Variants in ANTXR1 observed in about 807,000 individuals in gnomAD.
ANTXR1 encodes the protein ANTXR cell adhesion molecule 1, also known as anthrax toxin receptor 1.
Under a neutral mutation model 78.1 loss-of-function variants are expected in ANTXR1, and 19 were observed. That is an observed-to-expected ratio of 0.24 (90% CI 0.17 to 0.36). The LOEUF (loss-of-function observed/expected upper bound fraction) is 0.36. Ranked by LOEUF, ANTXR1 falls within the 10% of genes least tolerant of loss-of-function variation. The pLI, the probability that ANTXR1 is intolerant of heterozygous loss-of-function variation, is 1.00. For missense variants in ANTXR1, 518 were observed against 718.6 expected, an observed-to-expected ratio of 0.72 and a Z score of 3.19; for synonymous variants, 273 against 260.5, an observed-to-expected ratio of 1.05 and a Z score of -0.46.
At chr2:69,084,300 C>T (rs188342596) in intron 8 of ANTXR1, among the ~76,000 whole-genome samples, 45 of 152,302 alleles carry the variant, frequency 3.0e-4, no homozygotes, top group African/African-American at 1.0e-3. Context: ...AAATGAATTT[C>T]CTACTTTTAG....
chr2:69,123,207 TGA>T, intron 11 of ANTXR1, 121 bp downstream of exon 11: 1 of 1,038,048 alleles, frequency 9.6e-7, no homozygotes, highest in Non-Finnish European at 1.5e-6. Flanking sequence ...CTCCAGCTTA[TGA>T]CGGAGCCAGT....
At chr2:69,109,029 G>A (rs1218823333) in intron 10 of ANTXR1, among the ~76,000 whole-genome samples, 1 of 152,148 alleles carries the variant, frequency 6.6e-6, no homozygotes, top group African/African-American at 2.4e-5. Flanking sequence ...AGACCACCAG[G>A]GAAAAAGAGT....
intron 1 of ANTXR1, 40 bp from the exon 2 acceptor site, chr2:69,040,003 TA>T: frequency 6.4e-7 from 1 of 1,554,650 alleles, no homozygotes; most frequent in Non-Finnish European, 8.9e-7. Flanking sequence ...TAAAGACAAG[TA>T]AACACCTGAG....
At chr2:69,070,530 A>C (rs1670534760) in intron 3 of ANTXR1, 117 bp from the exon 4 acceptor site, 2 of 914,972 alleles carry the variant, frequency 2.2e-6, no homozygotes, top group Non-Finnish European at 3.6e-6. Context: ...GCTTTTGGGG[A>C]ATTACTGGGA....
chr2:69,231,642 T>G (rs921876606), intron 17 of ANTXR1, among the ~76,000 whole-genome samples: 14 of 152,182 alleles, frequency 9.2e-5, no homozygotes, highest in African/African-American at 3.4e-4. Flanking sequence ...GAGTCTCTCA[T>G]GAAGCTGCAG....
Position 69,124,112 on chromosome 2 carries a change from T to C in ANTXR1, c.873-453T>C, listed in dbSNP as rs574384435. Among the ~76,000 whole-genome samples, 9 of 152,318 alleles carry C rather than the reference T, an allele frequency of 5.9e-5. No homozygotes were observed. In the South Asian group the frequency reaches 1.7e-3, roughly 28 times the overall value. ...CTTCTGCTTTACTTCTGTGAGTCTG[T>C]TGAATGGTAACAAAGCCACCCCCAT... On this transcript the variant is annotated intron_variant, in intron 11 of 17. Coordinates refer to ENST00000303714, the MANE Select transcript of ANTXR1 (RefSeq NM_032208.3).
intron 14 of ANTXR1, among the ~76,000 whole-genome samples, chr2:69,174,514 G>T (rs1435031620): frequency 6.6e-6 from 1 of 152,102 alleles, no homozygotes; most frequent in Non-Finnish European, 1.5e-5. Flanking sequence ...AATCCTAGCT[G>T]ATCAGGAGGC....
chr2:69,191,600 A>G (rs1674543425), intron 16 of ANTXR1, among the ~76,000 whole-genome samples: 1 of 152,204 alleles, frequency 6.6e-6, no homozygotes, highest in Non-Finnish European at 1.5e-5. Flanking sequence ...ATTTTTCACA[A>G]AATAATGCTT....
chr2:69,178,691 C>A (rs1674196305), intron 14 of ANTXR1, among the ~76,000 whole-genome samples: 1 of 152,136 alleles, frequency 6.6e-6, no homozygotes, highest in Non-Finnish European at 1.5e-5. Flanking sequence ...AGCGGGGTTG[C>A]GAATTAGAGA....
At chr2:69,187,438 G>A (rs563407959) in intron 16 of ANTXR1, among the ~76,000 whole-genome samples, 8 of 151,772 alleles carry the variant, frequency 5.3e-5, no homozygotes, top group Non-Finnish European at 8.8e-5. Flanking sequence ...AAAAAAAAGC[G>A]CAACAAAATC....
chr2:69,188,714 T>C (rs1482297168), intron 16 of ANTXR1, among the ~76,000 whole-genome samples: 1 of 152,202 alleles, frequency 6.6e-6, no homozygotes, highest in Admixed American at 6.5e-5. Context: ...TGCCAGGGAG[T>C]GAGGACCAGT....
chr2:69,135,774 A>T (rs1672891165), intron 12 of ANTXR1, among the ~76,000 whole-genome samples: 1 of 152,140 alleles, frequency 6.6e-6, no homozygotes, highest in Non-Finnish European at 1.5e-5. Context: ...TGATAAATCC[A>T]CCATCACAGG....
At chr2:69,203,544 A>AT (rs1197708916) in intron 17 of ANTXR1, among the ~76,000 whole-genome samples, 4 of 152,038 alleles carry the variant, frequency 2.6e-5, no homozygotes, top group South Asian at 2.1e-4. Context: ...CCATCTTGGG[A>AT]TTTTTTTTGC....
At chr2:69,120,659 C>T (rs1672317749) in intron 10 of ANTXR1, among the ~76,000 whole-genome samples, 1 of 151,766 alleles carries the variant, frequency 6.6e-6, no homozygotes, top group South Asian at 2.1e-4. Context: ...CAGAGTGAGA[C>T]TCTCAGAAAA....
chr2:69,183,574 G>GT (rs55898655), intron 16 of ANTXR1, among the ~76,000 whole-genome samples: 385 of 109,272 alleles, frequency 3.5e-3, no homozygotes, highest in Non-Finnish European at 6.2e-3. Flanking sequence ...GCTAATTTTT[G>GT]TTTTTTTTTT....
At chr2:69,141,890 T>C (rs1673079024) in intron 12 of ANTXR1, among the ~76,000 whole-genome samples, 1 of 152,196 alleles carries the variant, frequency 6.6e-6, no homozygotes, top group South Asian at 2.1e-4. Flanking sequence ...GCCCCACTGA[T>C]ACCCCCAAAT....
intron 13 of ANTXR1, among the ~76,000 whole-genome samples, chr2:69,156,875 A>G (rs1437624113): frequency 6.6e-6 from 1 of 152,158 alleles, no homozygotes; most frequent in South Asian, 2.1e-4. Flanking sequence ...CTCCTCCAAC[A>G]TTGGGGATCA....
At chr2:69,037,710 T>G (rs1044642751) in intron 1 of ANTXR1, among the ~76,000 whole-genome samples, 2 of 152,172 alleles carry the variant, frequency 1.3e-5, no homozygotes, top group African/African-American at 2.4e-5. Flanking sequence ...CCTCAGGTGA[T>G]CCACCTGCCT....
At chr2:69,065,546 T>C (rs570814589) in intron 3 of ANTXR1, among the ~76,000 whole-genome samples, 1 of 152,122 alleles carries the variant, frequency 6.6e-6, no homozygotes, top group Admixed American at 6.5e-5. Flanking sequence ...AGGAATATTA[T>C]AAACAATTTT....
Sources: allele counts gnomAD v4.1 joint callset (sites outside exome capture counted in the v4.1 genomes callset), GRCh38; gene constraint gnomAD v4.1.1; transcripts MANE v1.5; gene names NCBI Gene and HGNC (gene_info 2026-07-23, HGNC 2026-07-21).